Variants in RGS17 observed in about 807,000 individuals in gnomAD.
RGS17 encodes regulator of G protein signaling 17.
A neutral mutation model predicts 25.5 loss-of-function variants in RGS17; 12 were observed. The ratio of observed to expected loss-of-function variants is 0.47; its 90% CI spans 0.30 to 0.76. The LOEUF (loss-of-function observed/expected upper bound fraction) is 0.76. Among genes scored for constraint, RGS17 ranks in the 30% least tolerant of loss-of-function variants. The pLI, the probability that RGS17 is intolerant of heterozygous loss-of-function variation, is 0.07. For synonymous variants in RGS17, 71 were observed against 76.9 expected (o/e 0.92, Z 0.40); for missense variants, 196 against 242.2 (o/e 0.81, Z 1.27).
chr6:153,060,059 C>T (rs1776613443), intron 1 of RGS17, among the ~76,000 whole-genome samples: 1 of 152,130 alleles, frequency 6.6e-6, no homozygotes, highest in African/African-American at 2.4e-5. Context: ...GAAGCACTGG[C>T]TCAGGCCACA....
chr6:153,052,510 C>CA (rs1162476854), intron 1 of RGS17, among the ~76,000 whole-genome samples: 3 of 151,718 alleles, frequency 2.0e-5, no homozygotes, highest in Non-Finnish European at 4.4e-5. Flanking sequence ...TTAAAAGTAG[C>CA]AAAAATCGCA....
intron 2 of RGS17, among the ~76,000 whole-genome samples, chr6:153,036,113 A>T (rs1477541298): frequency 6.6e-6 from 1 of 152,120 alleles, no homozygotes; most frequent in East Asian, 1.9e-4. Context: ...GAGTGCAGTC[A>T]TGTGATCATG....
chr6:153,088,859 T>C (rs1034289171), intron 1 of RGS17, among the ~76,000 whole-genome samples: 2 of 152,194 alleles, frequency 1.3e-5, no homozygotes, highest in African/African-American at 4.8e-5. Context: ...GATAGTACCA[T>C]GTATTTTTAG....
intron 2 of RGS17, among the ~76,000 whole-genome samples, chr6:153,037,571 G>A (rs34578638): frequency 0.087 from 13,133 of 151,558 alleles, 742 homozygotes; most frequent in East Asian, 0.28. Flanking sequence ...GATTACAGGC[G>A]CATGCCACCA....
In RGS17 at chr6:153,068,422, G is replaced by A. The variant is rs749899599; in HGVS notation, c.-25-24379C>T. Among the ~76,000 whole-genome samples the A allele has an allele frequency of 1.6e-4, 25 of 152,280 alleles. No individual in the cohort carries two copies. The South Asian group carries it at 1.7e-3, about 10-fold the overall frequency. Reference sequence around the variant, plus strand: ...AGATCGCGCCACTGCACTCCAGCCTGAGTGACAGAGTGAGACTCCATCTCA... The same window carrying A: ...AGATCGCGCCACTGCACTCCAGCCTAAGTGACAGAGTGAGACTCCATCTCA... On this transcript the variant is annotated intron_variant, in intron 1 of 4. Coordinates refer to ENST00000206262, the MANE Select transcript of RGS17 (RefSeq NM_012419.5).
intron 1 of RGS17, among the ~76,000 whole-genome samples, chr6:153,047,438 G>A (rs1014080102): frequency 6.6e-6 from 1 of 152,286 alleles, no homozygotes; most frequent in South Asian, 2.1e-4. Flanking sequence ...ATATTATTAA[G>A]TCCAAGAGTT....
At chr6:153,077,630 T>C (rs1049335250) in intron 1 of RGS17, among the ~76,000 whole-genome samples, 1 of 152,144 alleles carries the variant, frequency 6.6e-6, no homozygotes, top group African/African-American at 2.4e-5. Context: ...CAAAACTAAA[T>C]TGTGGTATAT....
intron 1 of RGS17, among the ~76,000 whole-genome samples, chr6:153,062,604 CAG>C (rs1776654922): frequency 6.6e-6 from 1 of 152,102 alleles, no homozygotes; most frequent in Non-Finnish European, 1.5e-5. Flanking sequence ...GAATTGGGTG[CAG>C]AGATAGTAGA....
At chr6:153,023,715 G>C (rs551987546) in intron 4 of RGS17, among the ~76,000 whole-genome samples, 2 of 152,288 alleles carry the variant, frequency 1.3e-5, no homozygotes, top group East Asian at 1.9e-4. Flanking sequence ...TCTGTAAAGA[G>C]TCAATCATAA....
chr6:153,029,230 C>A (rs958254239), intron 2 of RGS17, among the ~76,000 whole-genome samples: 1 of 152,196 alleles, frequency 6.6e-6, no homozygotes, highest in Non-Finnish European at 1.5e-5. Context: ...AGAAATTGAA[C>A]TTTGGCAACA....
chr6:153,076,560 AGTGATT>A (rs1303596829), intron 1 of RGS17, among the ~76,000 whole-genome samples: 1 of 152,156 alleles, frequency 6.6e-6, no homozygotes, highest in African/African-American at 2.4e-5. Flanking sequence ...ATGGAGAAAT[AGTGATT>A]CAAGGTCTGA....
chr6:153,094,786 A>T (rs1012586268), intron 1 of RGS17, among the ~76,000 whole-genome samples: 1 of 152,204 alleles, frequency 6.6e-6, no homozygotes, highest in Non-Finnish European at 1.5e-5. Context: ...TACACATGGC[A>T]CATATCTTCA....
At chr6:153,115,376 G>C (rs1777529352) in intron 1 of RGS17, among the ~76,000 whole-genome samples, 1 of 152,180 alleles carries the variant, frequency 6.6e-6, no homozygotes, top group African/African-American at 2.4e-5. Context: ...ACTTACAAGG[G>C]ATGTGAAGGA....
chr6:153,113,178 C>T (rs573529545), intron 1 of RGS17, among the ~76,000 whole-genome samples: 1 of 152,062 alleles, frequency 6.6e-6, no homozygotes, highest in South Asian at 2.1e-4. Context: ...ATCCAGGAGA[C>T]CCATCTCATG....
intron 1 of RGS17, among the ~76,000 whole-genome samples, chr6:153,094,165 T>G (rs1280993188): frequency 2.0e-5 from 3 of 151,758 alleles, no homozygotes; most frequent in Non-Finnish European, 4.4e-5. Flanking sequence ...AATCTCTGCC[T>G]CCCGGGTTCA....
chr6:153,121,682 G>T (rs2129126979), intron 1 of RGS17, among the ~76,000 whole-genome samples: 1 of 152,162 alleles, frequency 6.6e-6, no homozygotes, highest in Admixed American at 6.5e-5. Flanking sequence ...AAGACATAAA[G>T]GTCTTTACAT....
chr6:153,093,708 A>G (rs1481740784), intron 1 of RGS17, among the ~76,000 whole-genome samples: 1 of 152,184 alleles, frequency 6.6e-6, no homozygotes, highest in Non-Finnish European at 1.5e-5. Flanking sequence ...GCACCTACTC[A>G]ACACAATCTT....
chr6:153,020,107 A>ATATAT lies in RGS17; in HGVS notation c.444+4154_444+4155insATATA, dbSNP rs1205305073. ...TCCTAATTGCAAATATCTTAAAAAA[A>ATATAT]AAAAATATATATATATATATATATA... On this transcript the variant is annotated intron_variant, in intron 4 of 4. Coordinates refer to ENST00000206262, the MANE Select transcript of RGS17 (RefSeq NM_012419.5). Among the ~76,000 whole-genome samples, 190 of 47,770 alleles carry ATATAT rather than the reference A, an allele frequency of 4.0e-3. 10 individuals are homozygous for ATATAT. Among genetic ancestry groups the ATATAT allele is most frequent in the East Asian group, 7.0e-3 (10 of 1,430 alleles). The allele number at this position is 47,770 out of a possible 152,430, so 31.3% of individuals were successfully genotyped here. A position where few individuals can be genotyped will look rare whatever the true frequency, so the allele number is the denominator to read the frequency against.
intron 1 of RGS17, among the ~76,000 whole-genome samples, chr6:153,099,400 C>A (rs1267390856): frequency 6.6e-6 from 1 of 152,146 alleles, no homozygotes; most frequent in Non-Finnish European, 1.5e-5. Flanking sequence ...TATCTCTGTA[C>A]AGACAATTAA....
Sources: allele counts gnomAD v4.1 joint callset (sites outside exome capture counted in the v4.1 genomes callset), GRCh38; gene constraint gnomAD v4.1.1; transcripts MANE v1.5; gene names NCBI Gene and HGNC (gene_info 2026-07-23, HGNC 2026-07-21).